Variants in LRFN2 observed in about 807,000 individuals in gnomAD.
LRFN2 encodes the protein leucine rich repeat and fibronectin type III domain containing 2.
In LRFN2, 18 loss-of-function variants were observed where a neutral mutation model predicts 37.3. The observed-to-expected ratio is 0.48, with a 90% CI of 0.33 to 0.72. The LOEUF (loss-of-function observed/expected upper bound fraction) is 0.72. LRFN2 is among the 30% of genes least tolerant of loss of function. The pLI is 0.02. For missense variants in LRFN2, 1,006 were observed against 1,060.7 expected (o/e 0.95, Z 0.72); for synonymous variants, 556 against 466.6 (o/e 1.19, Z -2.47).
At chr6:40,578,458 T>C (rs770719698) in intron 1 of LRFN2, among the ~76,000 whole-genome samples, 11 of 152,200 alleles carry the variant, frequency 7.2e-5, no homozygotes, top group Non-Finnish European at 1.6e-4. Flanking sequence ...TGTGCCTCAG[T>C]TCCCCTTTAT....
chr6:40,417,065 T>C (rs1055639760), intron 2 of LRFN2, among the ~76,000 whole-genome samples: 9 of 152,070 alleles, frequency 5.9e-5, no homozygotes, highest in African/African-American at 2.2e-4. Context: ...CCCCGGCCCC[T>C]GAGGGAAGAG....
At chr6:40,539,694 G>A (rs1460787873) in intron 1 of LRFN2, among the ~76,000 whole-genome samples, 1 of 152,178 alleles carries the variant, frequency 6.6e-6, no homozygotes, top group Non-Finnish European at 1.5e-5. Flanking sequence ...AGCCCCCATG[G>A]CACTGGGGAG....
intron 1 of LRFN2, among the ~76,000 whole-genome samples, chr6:40,562,873 T>C (rs846509): frequency 0.6 from 90,142 of 150,146 alleles, 27,417 homozygotes; most frequent in African/African-American, 0.67. Context: ...ACACACACTC[T>C]ATTATCCCCA....
chr6:40,448,885 G>A (rs2113840474), intron 1 of LRFN2, among the ~76,000 whole-genome samples: 1 of 152,286 alleles, frequency 6.6e-6, no homozygotes, highest in Admixed American at 6.5e-5. Context: ...TCCTGGTCCT[G>A]TTTTGCCAAA....
chr6:40,543,245 TTC>T (rs1201452721), intron 1 of LRFN2, among the ~76,000 whole-genome samples: 1 of 152,230 alleles, frequency 6.6e-6, no homozygotes, highest in Non-Finnish European at 1.5e-5. Context: ...AATTGTCTCT[TTC>T]TCTCTCATTC....
chr6:40,516,681 A>C (rs1474937172), intron 1 of LRFN2, among the ~76,000 whole-genome samples: 1 of 152,094 alleles, frequency 6.6e-6, no homozygotes, highest in Non-Finnish European at 1.5e-5. Flanking sequence ...CGCCACAGCT[A>C]TCTCTCTCAC....
chr6:40,416,395 C>A (rs1259504054), intron 2 of LRFN2, among the ~76,000 whole-genome samples: 4 of 114,522 alleles, frequency 3.5e-5, no homozygotes, highest in Non-Finnish European at 6.5e-5. Context: ...TGAGGTCAGC[C>A]AACATCCCAA....
chr6:40,476,460 C>T (rs1764711460), intron 1 of LRFN2, among the ~76,000 whole-genome samples: 1 of 152,230 alleles, frequency 6.6e-6, no homozygotes, highest in African/African-American at 2.4e-5. Flanking sequence ...GCATCACCAC[C>T]CATCCATACT....
At chr6:40,533,944 C>T (rs777344377) in intron 1 of LRFN2, among the ~76,000 whole-genome samples, 2 of 152,192 alleles carry the variant, frequency 1.3e-5, no homozygotes, top group African/African-American at 2.4e-5. Context: ...ACCGGACACT[C>T]GGAATTCCTC....
Position 40,432,106 on chromosome 6 carries a change from G to A in LRFN2, c.1008C>T (p.Thr336=), listed in dbSNP as rs140038634. 138 of 1,613,880 alleles carry A rather than the reference G, an allele frequency of 8.6e-5. No homozygotes were observed. The African/African-American group carries it at 1.3e-3, about 15-fold the overall frequency. ...DDRLVGNSSR[T]AVYDNGTLDI... ...CCAGGGTGCCATTGTCATAGACAGC[G>A]GTCCTTGAGGAGTTCCCTACCAGGC... The change falls in exon 2 of 3, where the codon ACC becomes ACT. Residue 336 remains threonine (T), a synonymous_variant. Transcript: ENST00000338305.
At chr6:40,441,391 T>A (rs912723520) in intron 1 of LRFN2, among the ~76,000 whole-genome samples, 1 of 151,720 alleles carries the variant, frequency 6.6e-6, no homozygotes, top group African/African-American at 2.4e-5. Context: ...GGCGTGTGAG[T>A]GAGGGGGCCT....
chr6:40,426,883 G>T (rs1469642849), intron 2 of LRFN2, among the ~76,000 whole-genome samples: 1 of 152,168 alleles, frequency 6.6e-6, no homozygotes. Context: ...GCTCTGACCA[G>T]CTAGAATGAC....
In LRFN2 at chr6:40,535,214, C is replaced by T. The variant is rs143660426; in HGVS notation, c.-19+51727G>A. Among the ~76,000 whole-genome samples the T allele has an allele frequency of 5.3e-3, 809 of 152,292 alleles. 8 individuals are homozygous for T. The highest frequency in any genetic ancestry group is 0.018 in the African/African-American group (763 of 41,556). Reference sequence around the variant, plus strand: ...TGTGATCCCTCTGGGTCTCAGCCACCTCGCCTGCCTGTCAAATGAGATGAT... The same window carrying T: ...TGTGATCCCTCTGGGTCTCAGCCACTTCGCCTGCCTGTCAAATGAGATGAT... On this transcript the variant is annotated intron_variant, in intron 1 of 2. Coordinates refer to ENST00000338305, the MANE Select transcript of LRFN2 (RefSeq NM_020737.3).
At chr6:40,525,565 T>A (rs1475741444) in intron 1 of LRFN2, among the ~76,000 whole-genome samples, 1 of 152,214 alleles carries the variant, frequency 6.6e-6, no homozygotes. Flanking sequence ...GTTATGTAAA[T>A]GTTAATATAA....
chr6:40,392,616 C>T lies in LRFN2; in HGVS notation c.1697G>A (p.Ser566Asn), dbSNP rs1762536164. Residue 566 changes from serine (S) to asparagine (N), a missense_variant, in exon 3 of 3, where the codon AGC becomes AAC. Coordinates refer to ENST00000338305, the MANE Select transcript of LRFN2 (RefSeq NM_020737.3). This position sits in a 1 kb window ranked among gnomAD's most constrained non-coding sequence, Gnocchi z 4.7. ...RYKVCNHEAPSKMAAAVSNVY... is the reference protein window; with the variant it reads ...RYKVCNHEAPNKMAAAVSNVY... ...ATTGCTCACGGCCGCTGCCATCTTG[C>T]TGGGGGCCTCGTGGTTGCAGACCTT... 1.2e-6 allele frequency: 2 copies of T among 1,610,662 alleles called. No individual in the cohort carries two copies. The highest frequency in any genetic ancestry group is 1.7e-6 in the Non-Finnish European group (2 of 1,179,972).
intron 1 of LRFN2, among the ~76,000 whole-genome samples, chr6:40,512,089 C>T (rs934762098): frequency 6.6e-6 from 1 of 152,288 alleles, no homozygotes. Flanking sequence ...CATCCCCAAC[C>T]CTGCCCAGGT....
chr6:40,559,583 C>A (rs905444552), intron 1 of LRFN2, among the ~76,000 whole-genome samples: 3 of 152,084 alleles, frequency 2.0e-5, no homozygotes, highest in African/African-American at 7.2e-5. Flanking sequence ...GGCTACCTGG[C>A]CCTTCTAGCT....
intron 1 of LRFN2, among the ~76,000 whole-genome samples, chr6:40,526,689 C>T (rs1766260701): frequency 6.6e-6 from 1 of 152,212 alleles, no homozygotes; most frequent in Non-Finnish European, 1.5e-5. Context: ...GGGTGGCTTC[C>T]TTTTGGATGT....
chr6:40,408,384 C>T (rs1437464517), intron 2 of LRFN2, among the ~76,000 whole-genome samples: 1 of 152,078 alleles, frequency 6.6e-6, no homozygotes, highest in Non-Finnish European at 1.5e-5. Context: ...CTTCTTGGTT[C>T]TATTGTCTAT....
Sources: allele counts gnomAD v4.1 joint callset (sites outside exome capture counted in the v4.1 genomes callset), GRCh38; gene constraint gnomAD v4.1.1; non-coding constraint Gnocchi (gnomAD v3.1); transcripts MANE v1.5; gene names NCBI Gene and HGNC (gene_info 2026-07-23, HGNC 2026-07-21).